AFF1: variants seen among roughly 807,000 people sequenced by gnomAD.
The protein encoded by AFF1 is ALF transcription elongation factor 1, also known as AF4/FMR2 family member 1.
AFF1 carries 48 observed loss-of-function variants against 121.7 expected under a neutral mutation model. The observed-to-expected ratio is 0.39, with a 90% CI of 0.31 to 0.50. AFF1 has a LOEUF of 0.50. Among genes scored for constraint, AFF1 ranks in the 20% least tolerant of loss-of-function variants. The probability of loss-of-function intolerance (pLI) is 0.76; values close to 1 mark genes in which losing one functional copy is unlikely to be tolerated. For missense variants in AFF1, 1,523 were observed against 1,511.7 expected (o/e 1.01, Z -0.12); for synonymous variants, 613 against 563.0 (o/e 1.09, Z -1.26).
At chr4:86,961,189 G>A (rs190743491) in intron 2 of AFF1, among the ~76,000 whole-genome samples, 1 of 152,230 alleles carries the variant, frequency 6.6e-6, no homozygotes, top group African/African-American at 2.4e-5. Context: ...TATTTAATAA[G>A]CGCAGTGACC....
intron 16 of AFF1, among the ~76,000 whole-genome samples, chr4:87,130,543 T>C (rs912605812): frequency 6.6e-6 from 1 of 152,238 alleles, no homozygotes; most frequent in Non-Finnish European, 1.5e-5. Context: ...ATGTTACCCC[T>C]GTTGGCCTCG....
At chr4:87,112,673 T>C (rs900618945) in intron 11 of AFF1, among the ~76,000 whole-genome samples, 9 of 152,332 alleles carry the variant, frequency 5.9e-5, no homozygotes, top group African/African-American at 2.2e-4. Context: ...TCGGGAAAAT[T>C]GTCAGCAGTC....
Position 87,063,228 on chromosome 4 carries a change from C to CTTTTTTTTTTTTTTTTTTTTTTTTTTTTT in AFF1, c.1059+15662_1059+15663insTTTTTTTTTTTTTTTTTTTTTTTTTTTTT, listed in dbSNP as rs569577993. Among the ~76,000 whole-genome samples, 15 of 44,434 alleles carry CTTTTTTTTTTTTTTTTTTTTTTTTTTTTT rather than the reference C, an allele frequency of 3.4e-4. 5 individuals carry two copies. The highest frequency in any genetic ancestry group is 5.0e-4 in the Non-Finnish European group (12 of 23,850). The allele number at this position is 44,434 out of a possible 152,430, so 29.2% of individuals were successfully genotyped here. A position where few individuals can be genotyped will look rare whatever the true frequency, so the allele number is the denominator to read the frequency against. ...ATGTATAAGCATAGTAGATTCACCT[C>CTTTTTTTTTTTTTTTTTTTTTTTTTTTTT]TTTTTTTTTTTTTTTTTTTTTTTTT... is the stretch of plus-strand genomic sequence containing the variant. On this transcript the variant is annotated intron_variant, in intron 4 of 20. Transcript: ENST00000395146.
chr4:87,016,121 C>T (rs1449809026), intron 2 of AFF1, among the ~76,000 whole-genome samples: 1 of 151,436 alleles, frequency 6.6e-6, no homozygotes. Flanking sequence ...GTGGAGGTTG[C>T]AGTTAGCCAA....
rs921820381 is a variant in AFF1, at chr4:87,136,486, G to A, written c.*785G>A. 8.6e-6 allele frequency: 2 copies of A among 232,622 alleles called. No homozygotes were observed. The highest frequency in any genetic ancestry group is 1.7e-5 in the Non-Finnish European group (2 of 117,854). The allele number at this position is 232,622 out of a possible 1,614,324, so 14.4% of individuals were successfully genotyped here. Reference sequence around the variant, plus strand: ...CTCGAGGTCTGCACAGGAGGACTTGGCGCTGCCATTTCCTACCCCTGCCAT... The same window carrying A: ...CTCGAGGTCTGCACAGGAGGACTTGACGCTGCCATTTCCTACCCCTGCCAT... On this transcript the variant is annotated 3_prime_UTR_variant, in exon 21 of 21. Transcript: ENST00000395146.
intron 2 of AFF1, among the ~76,000 whole-genome samples, chr4:86,974,341 G>A (rs1723146710): frequency 6.6e-6 from 1 of 152,012 alleles, no homozygotes; most frequent in South Asian, 2.1e-4. Context: ...GTAGAGACGG[G>A]GTTTTACCAT....
At chr4:86,976,677 C>T (rs943509600) in intron 2 of AFF1, among the ~76,000 whole-genome samples, 8 of 152,108 alleles carry the variant, frequency 5.3e-5, no homozygotes, top group East Asian at 1.9e-4. Context: ...ACCTGGGTGA[C>T]GAAATAATCT....
intron 2 of AFF1, among the ~76,000 whole-genome samples, chr4:87,024,417 C>A (rs772778868): frequency 3.3e-4 from 50 of 152,140 alleles, no homozygotes; most frequent in Non-Finnish European, 8.8e-5. Flanking sequence ...CAGCGTTAGC[C>A]TCTGGGAAGT....
intron 2 of AFF1, among the ~76,000 whole-genome samples, chr4:87,045,618 G>A (rs1324047999): frequency 1.3e-5 from 2 of 151,844 alleles, no homozygotes; most frequent in Non-Finnish European, 2.9e-5. Context: ...TTTTTTGTGG[G>A]GTTTACATGC....
chr4:87,065,802 TC>T (rs3836603), intron 4 of AFF1, among the ~76,000 whole-genome samples: 124,380 of 151,920 alleles, frequency 0.82, 51,151 homozygotes, highest in African/African-American at 0.9. Flanking sequence ...CCATTATTTT[TC>T]CCCCCCCTTT....
At chr4:87,025,586 T>C (rs1032226631) in intron 2 of AFF1, among the ~76,000 whole-genome samples, 2 of 152,132 alleles carry the variant, frequency 1.3e-5, no homozygotes, top group Admixed American at 1.3e-4. Flanking sequence ...GGGGAGGAGA[T>C]TTTACCCTTC....
intron 5 of AFF1, among the ~76,000 whole-genome samples, chr4:87,086,075 T>C (rs4693156): frequency 0.32 from 49,228 of 152,090 alleles, 8,538 homozygotes; most frequent in South Asian, 0.47. Flanking sequence ...GTGAGGAATT[T>C]TTGTCAACCA....
At chr4:87,068,811 T>C (rs576340847) in intron 4 of AFF1, among the ~76,000 whole-genome samples, 1 of 152,298 alleles carries the variant, frequency 6.6e-6, no homozygotes, top group South Asian at 2.1e-4. Context: ...AGGGCCGCCA[T>C]TGCAGCCGCC....
At chr4:87,055,373 A>G (rs138649278) in intron 4 of AFF1, among the ~76,000 whole-genome samples, 3 of 152,302 alleles carry the variant, frequency 2.0e-5, no homozygotes, top group Admixed American at 2.0e-4. Context: ...GGGTGGTATT[A>G]ATTGGAGTTG....
chr4:87,088,633 C>A (rs1241477574), intron 5 of AFF1, among the ~76,000 whole-genome samples: 1 of 151,892 alleles, frequency 6.6e-6, no homozygotes. Context: ...GAGACGGAGT[C>A]TCGCCCTGTC....
chr4:86,991,169 G>A (rs1343897361), intron 2 of AFF1, among the ~76,000 whole-genome samples: 1 of 151,960 alleles, frequency 6.6e-6, no homozygotes, highest in Non-Finnish European at 1.5e-5. Flanking sequence ...AAAAAAACCG[G>A]CGCAGTGGCT....
At chr4:87,129,379 C>A (rs1728595956) in intron 16 of AFF1, among the ~76,000 whole-genome samples, 1 of 152,170 alleles carries the variant, frequency 6.6e-6, no homozygotes, top group Non-Finnish European at 1.5e-5. Flanking sequence ...TCAGGAGATA[C>A]ATGGAATCAC....
chr4:87,091,957 G>T, intron 7 of AFF1, 128 bp downstream of exon 7: 2 of 688,104 alleles, frequency 2.9e-6, no homozygotes, highest in Non-Finnish European at 5.0e-6. Context: ...AATAGGAAAG[G>T]AGAACAAATA....
intron 4 of AFF1, among the ~76,000 whole-genome samples, chr4:87,063,848 A>G (rs1308543767): frequency 6.6e-6 from 1 of 152,236 alleles, no homozygotes; most frequent in African/African-American, 2.4e-5. Context: ...TATATTATCC[A>G]TCTTCAAGTA....
Sources: allele counts gnomAD v4.1 joint callset (sites outside exome capture counted in the v4.1 genomes callset), GRCh38; gene constraint gnomAD v4.1.1; transcripts MANE v1.5; gene names NCBI Gene and HGNC (gene_info 2026-07-23, HGNC 2026-07-21).